The following CNTNAP5 variants were observed in gnomAD, a reference collection of about 807,000 sequenced individuals.
CNTNAP5 encodes the protein contactin associated protein family member 5.
A neutral mutation model predicts 150.2 loss-of-function variants in CNTNAP5; 72 were observed. The ratio of observed to expected loss-of-function variants is 0.48; its 90% CI spans 0.40 to 0.58. CNTNAP5 has a LOEUF of 0.58. Ranked by LOEUF, CNTNAP5 falls within the 20% of genes least tolerant of loss-of-function variation. The probability of loss-of-function intolerance (pLI) is 0.00; values close to 1 mark genes in which losing one functional copy is unlikely to be tolerated. For missense variants in CNTNAP5, 1,636 were observed against 1,626.2 expected, an observed-to-expected ratio of 1.01 and a Z score of -0.10; for synonymous variants, 672 against 619.8, an observed-to-expected ratio of 1.08 and a Z score of -1.25.
chr2:124,332,960 T>G (rs1004195773), intron 3 of CNTNAP5, among the ~76,000 whole-genome samples: 1 of 152,176 alleles, frequency 6.6e-6, no homozygotes, highest in Non-Finnish European at 1.5e-5. Context: ...TGCTCATTTA[T>G]CACTAAGTCA....
At chr2:124,744,390 CA>C (rs1367810125) in intron 13 of CNTNAP5, among the ~76,000 whole-genome samples, 6 of 152,076 alleles carry the variant, frequency 3.9e-5, no homozygotes, top group Non-Finnish European at 8.8e-5. Flanking sequence ...ATAAATTACC[CA>C]GTCTTAGGTG....
intron 4 of CNTNAP5, among the ~76,000 whole-genome samples, chr2:124,433,727 A>G (rs559608021): frequency 2.1e-4 from 32 of 152,322 alleles, no homozygotes; most frequent in Admixed American, 7.2e-4. Context: ...AAAATAACCT[A>G]GAACAACACA....
At chr2:124,619,079 CA>C (rs1280418203) in intron 12 of CNTNAP5, among the ~76,000 whole-genome samples, 1 of 152,112 alleles carries the variant, frequency 6.6e-6, no homozygotes, top group Non-Finnish European at 1.5e-5. Context: ...AATATTTTGT[CA>C]AAAGGTAGTT....
At chr2:124,889,252 A>G (rs1337042324) in intron 21 of CNTNAP5, among the ~76,000 whole-genome samples, 3 of 151,840 alleles carry the variant, frequency 2.0e-5, no homozygotes, top group African/African-American at 4.8e-5. Flanking sequence ...GGCATGCACC[A>G]TCATGCCTGG....
intron 3 of CNTNAP5, among the ~76,000 whole-genome samples, chr2:124,405,052 C>A (rs1399770853): frequency 1.3e-5 from 2 of 151,478 alleles, no homozygotes; most frequent in Non-Finnish European, 2.9e-5. Flanking sequence ...CGGGTGGGGG[C>A]GGCTGGGGAA....
rs1041688968 is a variant in CNTNAP5 at position 124,188,320 on chromosome 2, G to A, written c.83-33385G>A. ...TGTTTCCCCAAATATATTTGTTTAC[G>A]ATGATCCTTTAAGAAGTTTGGAAAT... On this transcript the variant is annotated intron_variant, in intron 1 of 23. Transcript: ENST00000682447. Among the ~76,000 whole-genome samples, 4 of 152,142 alleles carry A rather than the reference G, an allele frequency of 2.6e-5. No individual in the cohort carries two copies. In the East Asian group the frequency reaches 7.7e-4, roughly 29 times the overall value.
In CNTNAP5 at chr2:124,474,866, A is replaced by G. The variant is rs1177880486; in HGVS notation, c.1046A>G (p.His349Arg). The G allele has an allele frequency of 1.9e-6, 3 of 1,606,454 alleles. No individual in the cohort carries two copies. The highest frequency in any genetic ancestry group is 4.5e-5 in the East Asian group (2 of 44,616). Residue 349 changes from histidine (H) to arginine (R), a missense_variant, in exon 7 of 24, where the codon CAT becomes CGT. Coordinates refer to ENST00000682447, the MANE Select transcript of CNTNAP5 (RefSeq NM_001367498.1). ...NIIDLAKRRK[H>R]QIYTVGNVTF... is the part of the protein sequence containing the mutation. ...ATTGACCTGGCTAAGAGACGAAAGCATCAGATCTATACTGTGGTAAGTCAG... is the reference window on the plus strand; with the variant it reads ...ATTGACCTGGCTAAGAGACGAAAGCGTCAGATCTATACTGTGGTAAGTCAG...
At chr2:124,619,093 C>A (rs186196015) in intron 12 of CNTNAP5, among the ~76,000 whole-genome samples, 1 of 152,148 alleles carries the variant, frequency 6.6e-6, no homozygotes, top group Non-Finnish European at 1.5e-5. Context: ...AGGTAGTTCT[C>A]GGCTTCATAC....
intron 3 of CNTNAP5, among the ~76,000 whole-genome samples, chr2:124,298,585 C>T (rs1057489695): frequency 6.6e-6 from 1 of 152,110 alleles, no homozygotes; most frequent in African/African-American, 2.4e-5. Context: ...CTAAATGGGT[C>T]CAAGAGCTGG....
chr2:124,419,229 A>T (rs1175985231), intron 4 of CNTNAP5, among the ~76,000 whole-genome samples: 1 of 148,736 alleles, frequency 6.7e-6, no homozygotes, highest in African/African-American at 2.5e-5. Context: ...ATCTATTTTG[A>T]TCTAAGAATC....
chr2:124,434,801 A>G (rs1692487845), intron 5 of CNTNAP5, 114 bp downstream of exon 5: 1 of 849,396 alleles, frequency 1.2e-6, no homozygotes, highest in Non-Finnish European at 1.9e-6. Context: ...GCACAATATA[A>G]GTGATATTGG....
chr2:124,177,012 A>AT (rs917976322), intron 1 of CNTNAP5, among the ~76,000 whole-genome samples: 22 of 150,684 alleles, frequency 1.5e-4, no homozygotes, highest in African/African-American at 2.2e-4. Flanking sequence ...TGCCTGGCTA[A>AT]TTTTTTTTTA....
chr2:124,555,322 T>G (rs1202170382), intron 10 of CNTNAP5, among the ~76,000 whole-genome samples: 1 of 152,228 alleles, frequency 6.6e-6, no homozygotes. Context: ...ACGTGTAATG[T>G]GCTAAGTGAT....
chr2:124,886,774 A>G (rs978959305), intron 21 of CNTNAP5, among the ~76,000 whole-genome samples: 1 of 151,746 alleles, frequency 6.6e-6, no homozygotes, highest in Non-Finnish European at 1.5e-5. Flanking sequence ...GGAATTCCAA[A>G]CTCCCCCTGC....
At chr2:124,464,339 G>C (rs1254259410) in intron 6 of CNTNAP5, among the ~76,000 whole-genome samples, 1 of 151,758 alleles carries the variant, frequency 6.6e-6, no homozygotes, top group Non-Finnish European at 1.5e-5. Context: ...CTCTATCACT[G>C]GCAAAAAAGA....
chr2:124,226,374 G>C (rs1178858452), intron 2 of CNTNAP5, among the ~76,000 whole-genome samples: 1 of 152,050 alleles, frequency 6.6e-6, no homozygotes, highest in African/African-American at 2.4e-5. Context: ...GCATCTTTCT[G>C]TGTGCCTGTT....
chr2:124,741,850 A>T (rs1680503706), intron 13 of CNTNAP5, among the ~76,000 whole-genome samples: 1 of 151,950 alleles, frequency 6.6e-6, no homozygotes, highest in Non-Finnish European at 1.5e-5. Flanking sequence ...TCTTTCTCTC[A>T]CACATACATT....
intron 3 of CNTNAP5, among the ~76,000 whole-genome samples, chr2:124,370,213 C>T (rs898526983): frequency 5.3e-5 from 8 of 152,106 alleles, no homozygotes; most frequent in South Asian, 2.1e-4. Flanking sequence ...AAGCTACGTA[C>T]GTGAACACTG....
At chr2:124,200,553 A>T (rs1194936063) in intron 1 of CNTNAP5, among the ~76,000 whole-genome samples, 1 of 152,118 alleles carries the variant, frequency 6.6e-6, no homozygotes, top group Non-Finnish European at 1.5e-5. Flanking sequence ...TTAACATGAG[A>T]TTTACTCTTT....
Sources: allele counts gnomAD v4.1 joint callset (sites outside exome capture counted in the v4.1 genomes callset), GRCh38; gene constraint gnomAD v4.1.1; transcripts MANE v1.5; gene names NCBI Gene and HGNC (gene_info 2026-07-23, HGNC 2026-07-21).